Variants in COP1 observed in about 807,000 individuals in gnomAD.
COP1 encodes the protein COP1 E3 ubiquitin ligase.
COP1 carries 24 observed loss-of-function variants against 101.3 expected under a neutral mutation model. The ratio of observed to expected loss-of-function variants is 0.24; its 90% CI spans 0.17 to 0.33. COP1 has a LOEUF of 0.33. Ranked by LOEUF, COP1 falls within the 10% of genes least tolerant of loss-of-function variation. COP1 has a pLI of 1.00. For synonymous variants in COP1, 347 were observed against 341.9 expected, an observed-to-expected ratio of 1.01 and a Z score of -0.17; for missense variants, 663 against 906.2, an observed-to-expected ratio of 0.73 and a Z score of 3.45.
chr1:176,062,606 C>T (rs1420031554), intron 11 of COP1, among the ~76,000 whole-genome samples: 1 of 152,130 alleles, frequency 6.6e-6, no homozygotes, highest in Non-Finnish European at 1.5e-5. Flanking sequence ...CACATCCTAA[C>T]CATACAGCAC....
At chr1:176,191,155 C>T (rs188446079) in intron 1 of COP1, among the ~76,000 whole-genome samples, 73 of 152,150 alleles carry the variant, frequency 4.8e-4, no homozygotes, top group Admixed American at 1.4e-3. Context: ...AATATTACTA[C>T]ATCCCAATTT....
intron 6 of COP1, among the ~76,000 whole-genome samples, chr1:176,145,438 A>G (rs1053301033): frequency 2.0e-5 from 3 of 152,202 alleles, no homozygotes; most frequent in Non-Finnish European, 4.4e-5. Flanking sequence ...TTTTGAAAAA[A>G]TATTTTGGCA....
intron 1 of COP1, among the ~76,000 whole-genome samples, chr1:176,189,413 A>AT (rs922574009): frequency 6.6e-6 from 1 of 151,792 alleles, no homozygotes; most frequent in African/African-American, 2.4e-5. Context: ...TTTGTTTCTC[A>AT]TTTTTTAGTG....
chr1:176,147,518 A>C (rs2149813176), intron 6 of COP1, among the ~76,000 whole-genome samples: 1 of 152,342 alleles, frequency 6.6e-6, no homozygotes, highest in East Asian at 1.9e-4. Flanking sequence ...AGGCACAAAT[A>C]TCCAGAAGTA....
At chr1:176,191,552 G>A (rs1031809610) in intron 1 of COP1, among the ~76,000 whole-genome samples, 9 of 150,864 alleles carry the variant, frequency 6.0e-5, no homozygotes, top group African/African-American at 2.0e-4. Flanking sequence ...CTGGCCCCAA[G>A]TATATTCAGG....
At chr1:176,039,733 G>A (rs1444571299) in intron 14 of COP1, among the ~76,000 whole-genome samples, 1 of 152,090 alleles carries the variant, frequency 6.6e-6, no homozygotes, top group African/African-American at 2.4e-5. Context: ...CAACAGAAGA[G>A]CAGAGAAAGA....
chr1:176,123,495 C>G (rs145064741), intron 8 of COP1, among the ~76,000 whole-genome samples: 1 of 152,090 alleles, frequency 6.6e-6, no homozygotes, highest in African/African-American at 2.4e-5. Context: ...CTCTAAATGA[C>G]TCTAACCTGA....
chr1:176,038,402 T>C (rs1669937563), intron 14 of COP1, among the ~76,000 whole-genome samples: 1 of 152,192 alleles, frequency 6.6e-6, no homozygotes, highest in Admixed American at 6.5e-5. Flanking sequence ...GATTCTAAAA[T>C]GTATATGAAA....
chr1:176,146,577 A>T (rs533010396), intron 6 of COP1, among the ~76,000 whole-genome samples: 38 of 152,308 alleles, frequency 2.5e-4, no homozygotes, highest in African/African-American at 8.7e-4. Flanking sequence ...CCTGTGACAA[A>T]AAAATTGTTA....
At position 176,154,598 on chromosome 1, in the gene COP1, A is replaced by G. The variant is rs542559151; in HGVS notation, c.763-5524T>C. 5.3e-5 allele frequency among the ~76,000 whole-genome samples: 8 copies of G among 152,288 alleles called. No individual in the cohort carries two copies. In the South Asian group the frequency reaches 8.3e-4, roughly 16 times the overall value. On this transcript the variant is annotated intron_variant, in intron 5 of 19. Coordinates refer to ENST00000367669, the MANE Select transcript of COP1 (RefSeq NM_022457.7). ...AACTAAACGATGAGGACACATGGAC[A>G]CATAGAGGGGAACAATACACACTGG...
At chr1:176,194,203 T>C (rs1376829415) in intron 1 of COP1, among the ~76,000 whole-genome samples, 1 of 150,206 alleles carries the variant, frequency 6.7e-6, no homozygotes, top group Non-Finnish European at 1.5e-5. Flanking sequence ...ATCCAATTAA[T>C]CCCAAAAGCA....
intron 11 of COP1, among the ~76,000 whole-genome samples, chr1:176,052,724 A>G (rs572235157): frequency 1.6e-4 from 25 of 152,316 alleles, no homozygotes; most frequent in Admixed American, 1.4e-3. Context: ...TAGGCAACCA[A>G]TAATTTCAAC....
At chr1:175,993,865 C>T (rs1659364635) in intron 15 of COP1, among the ~76,000 whole-genome samples, 1 of 152,112 alleles carries the variant, frequency 6.6e-6, no homozygotes, top group South Asian at 2.1e-4. Context: ...CAAGGCAGGC[C>T]AACTTTCAGA....
chr1:176,102,554 T>C (rs1378313726), intron 9 of COP1, among the ~76,000 whole-genome samples: 2 of 152,198 alleles, frequency 1.3e-5, no homozygotes. Context: ...TTCCTGGGCA[T>C]AGACTGAACT....
chr1:176,066,467 T>G (rs1343469956), intron 11 of COP1, among the ~76,000 whole-genome samples: 1 of 152,130 alleles, frequency 6.6e-6, no homozygotes, highest in African/African-American at 2.4e-5. Flanking sequence ...GGGCAAAGAC[T>G]TTGCCCATTT....
chr1:176,092,038 C>T (rs1288590636), intron 9 of COP1, among the ~76,000 whole-genome samples: 1 of 152,054 alleles, frequency 6.6e-6, no homozygotes, highest in African/African-American at 2.4e-5. Flanking sequence ...TTTAACATAA[C>T]CCATCTGTAT....
chr1:176,036,507 C>CAAAAAAAAAAAAA (rs77138527), intron 14 of COP1, among the ~76,000 whole-genome samples: 3 of 127,326 alleles, frequency 2.4e-5, no homozygotes, highest in African/African-American at 9.2e-5. Context: ...AACAAAAAAA[C>CAAAAAAAAAAAAA]AAAAAAAAAA....
At chr1:176,050,951 T>C (rs1005953511) in intron 11 of COP1, among the ~76,000 whole-genome samples, 3 of 152,112 alleles carry the variant, frequency 2.0e-5, no homozygotes, top group South Asian at 2.1e-4. Flanking sequence ...AATGAACATA[T>C]ACACAGGCAA....
At chr1:176,195,341 A>G (rs1252584323) in intron 1 of COP1, among the ~76,000 whole-genome samples, 1 of 152,266 alleles carries the variant, frequency 6.6e-6, no homozygotes, top group Non-Finnish European at 1.5e-5. Flanking sequence ...GCAAAAGCTG[A>G]GAAAACTAAA....
Sources: gnomAD v4.1 joint callset for allele counts (sites outside exome capture counted in the v4.1 genomes callset) on GRCh38, gnomAD v4.1.1 for gene constraint, MANE v1.5 for transcripts, NCBI Gene and HGNC (gene_info 2026-07-23, HGNC 2026-07-21) for gene names.